Variants in SRP9 observed in about 807,000 individuals in gnomAD.
The protein encoded by SRP9 is signal recognition particle 9.
Under a neutral mutation model 11.7 loss-of-function variants are expected in SRP9, and 2 were observed. The observed-to-expected ratio is 0.17, with a 90% confidence interval of 0.07 to 0.54. The LOEUF (loss-of-function observed/expected upper bound fraction) is 0.54, where lower values mean the gene tolerates loss of function less well. Among genes scored for constraint, SRP9 ranks in the 20% least tolerant of loss-of-function variants. SRP9 has a pLI of 0.94. For synonymous variants in SRP9, 27 were observed against 35.6 expected (o/e 0.76, Z 0.86); for missense variants, 54 against 108.1 (o/e 0.50, Z 2.22).
intron 2 of SRP9, among the ~76,000 whole-genome samples, chr1:225,787,328 T>A (rs968382667): frequency 1.3e-5 from 2 of 151,564 alleles, no homozygotes; most frequent in East Asian, 1.9e-4. Context: ...AGGTCAGGAG[T>A]TCGAGACCAG....
At chr1:225,778,245 A>G (rs766497603) in intron 1 of SRP9, among the ~76,000 whole-genome samples, 17 of 152,198 alleles carry the variant, frequency 1.1e-4, no homozygotes, top group African/African-American at 2.4e-4. Flanking sequence ...CATTTCTGCA[A>G]TCGATCTTCC....
chr1:225,778,800 A>G (rs1239546769), intron 1 of SRP9, among the ~76,000 whole-genome samples: 3 of 152,240 alleles, frequency 2.0e-5, no homozygotes, highest in African/African-American at 7.2e-5. Flanking sequence ...GTGTTAATTA[A>G]AAGTTCTGCT....
chr1:225,787,350 CAG>C (rs1665939500), intron 2 of SRP9, among the ~76,000 whole-genome samples: 1 of 151,956 alleles, frequency 6.6e-6, no homozygotes, highest in Admixed American at 6.6e-5. Context: ...CTGACCAACA[CAG>C]TGAAACCCCG....
At chr1:225,781,400 T>C (rs1181304995) in intron 1 of SRP9, among the ~76,000 whole-genome samples, 14 of 139,202 alleles carry the variant, frequency 1.0e-4, no homozygotes, top group Non-Finnish European at 1.9e-4. Flanking sequence ...TTTTTCTTTT[T>C]TTTTTTTTTT....
At chr1:225,780,280 C>T (rs1486219603) in intron 1 of SRP9, among the ~76,000 whole-genome samples, 2 of 151,064 alleles carry the variant, frequency 1.3e-5, no homozygotes, top group East Asian at 3.9e-4. Context: ...CCTCAGCTTC[C>T]CAAGTAGCTG....
At chr1:225,780,113 G>A (rs1055370109) in intron 1 of SRP9, among the ~76,000 whole-genome samples, 1 of 151,572 alleles carries the variant, frequency 6.6e-6, no homozygotes, top group Non-Finnish European at 1.5e-5. Context: ...AACTGGGCTC[G>A]AGTGATCCTC....
At chr1:225,787,372 A>G (rs1451766458) in intron 2 of SRP9, among the ~76,000 whole-genome samples, 1 of 152,072 alleles carries the variant, frequency 6.6e-6, no homozygotes, top group Non-Finnish European at 1.5e-5. Context: ...GTCTCTACTA[A>G]AAATACAAAT....
At chr1:225,781,694 C>T (rs1412657493) in intron 1 of SRP9, among the ~76,000 whole-genome samples, 1 of 152,140 alleles carries the variant, frequency 6.6e-6, no homozygotes, top group Non-Finnish European at 1.5e-5. Context: ...CTGCACCCAG[C>T]CATGATTGGC....
At chr1:225,789,112 G>T (rs1231826690) in intron 2 of SRP9, 128 bp from the exon 3 acceptor site, 3 of 1,551,206 alleles carry the variant, frequency 1.9e-6, no homozygotes, top group African/African-American at 2.7e-5. Context: ...TCCCTAGTAC[G>T]ACCTCCAAGG....
intron 2 of SRP9, among the ~76,000 whole-genome samples, chr1:225,786,609 C>G (rs756934585): frequency 6.6e-6 from 1 of 152,114 alleles, no homozygotes; most frequent in South Asian, 2.1e-4. Flanking sequence ...AAGAGTGAAT[C>G]GAGATGTAGT....
chr1:225,783,167 T>C, intron 1 of SRP9, 133 bp from the exon 2 acceptor site: 2 of 597,834 alleles, frequency 3.3e-6, no homozygotes, highest in Middle Eastern at 4.2e-4. Context: ...CGGTTTAGTT[T>C]ATAGTAAAAA....
At position 225,787,860 on chromosome 1, in the gene SRP9, C is replaced by T. The variant is rs557939779; in HGVS notation, c.142-1380C>T. ...GATTGCCGCACAAATTTGTACAATG[C>T]GTGGATAAAAATTTTTTTAAGTGAG... On this transcript the variant is annotated intron_variant, in intron 2 of 2. Coordinates refer to ENST00000304786, the MANE Select transcript of SRP9 (RefSeq NM_003133.6). Among the ~76,000 whole-genome samples, 15 of 152,056 alleles carry T rather than the reference C, an allele frequency of 9.9e-5. No homozygotes were observed. The South Asian group carries it at 2.3e-3, about 23-fold the overall frequency.
intron 1 of SRP9, among the ~76,000 whole-genome samples, chr1:225,780,841 C>T (rs1474808113): frequency 6.6e-6 from 1 of 152,182 alleles, no homozygotes; most frequent in Non-Finnish European, 1.5e-5. Flanking sequence ...ATGGCATTAC[C>T]ACTGGATTAT....
chr1:225,780,178 A>ATTTTTTTTTTT (rs67816765), intron 1 of SRP9, among the ~76,000 whole-genome samples: 1 of 130,182 alleles, frequency 7.7e-6, no homozygotes, highest in Non-Finnish European at 1.6e-5. Context: ...TGCCTGCCTA[A>ATTTTTTTTTTT]TTTTTTTTTT....
At chr1:225,782,195 C>A (rs529682671) in intron 1 of SRP9, among the ~76,000 whole-genome samples, 3 of 151,864 alleles carry the variant, frequency 2.0e-5, no homozygotes, top group Non-Finnish European at 4.4e-5. Context: ...AATGGAGTCT[C>A]GCTCTGTCCC....
chr1:225,789,066 T>C (rs1042216379), intron 2 of SRP9, 174 bp from the exon 3 acceptor site: 4 of 1,551,108 alleles, frequency 2.6e-6, no homozygotes, highest in East Asian at 2.4e-5. Flanking sequence ...CTTTAAGACA[T>C]GGAATTGCTG....
At chr1:225,782,203 C>A (rs1353790163) in intron 1 of SRP9, among the ~76,000 whole-genome samples, 4 of 151,766 alleles carry the variant, frequency 2.6e-5, no homozygotes, top group African/African-American at 9.7e-5. Context: ...CTCGCTCTGT[C>A]CCCAGGCTGG....
chr1:225,788,841 G>T (rs1200292847), intron 2 of SRP9, among the ~76,000 whole-genome samples: 1 of 151,490 alleles, frequency 6.6e-6, no homozygotes, highest in African/African-American at 2.4e-5. Context: ...AGATTTCTGT[G>T]TTTTTTTTTC....
intron 1 of SRP9, among the ~76,000 whole-genome samples, chr1:225,780,414 T>G (rs938793709): frequency 6.6e-6 from 1 of 151,830 alleles, no homozygotes; most frequent in African/African-American, 2.4e-5. Flanking sequence ...AGTTTTGTTC[T>G]TGTTGCCCAG....
Sources: allele counts gnomAD v4.1 joint callset (sites outside exome capture counted in the v4.1 genomes callset), GRCh38; gene constraint gnomAD v4.1.1; transcripts MANE v1.5; gene names NCBI Gene and HGNC (gene_info 2026-07-23, HGNC 2026-07-21).